The following ADGRL2 variants were observed in gnomAD, a reference collection of about 807,000 sequenced individuals.
The protein encoded by ADGRL2 is calcium-independent alpha-latrotoxin receptor 2.
A neutral mutation model predicts 157.4 loss-of-function variants in ADGRL2; 44 were observed. That is an observed-to-expected ratio of 0.28 (90% CI 0.22 to 0.36). The LOEUF is 0.36. ADGRL2 is among the 10% of genes least tolerant of loss of function. The pLI, the probability that ADGRL2 is intolerant of heterozygous loss-of-function variation, is 1.00. For missense variants in ADGRL2, 1,510 were observed against 1,768.9 expected, an observed-to-expected ratio of 0.85 and a Z score of 2.63; for synonymous variants, 585 against 624.7, an observed-to-expected ratio of 0.94 and a Z score of 0.95.
chr1:81,912,708 T>C (rs1452985486), intron 3 of ADGRL2, among the ~76,000 whole-genome samples: 1 of 152,208 alleles, frequency 6.6e-6, no homozygotes, highest in Non-Finnish European at 1.5e-5. Context: ...ATTAATGTTT[T>C]AGAAGCCAGT....
chr1:81,645,148 G>A (rs916601283), intron 3 of ADGRL2, among the ~76,000 whole-genome samples: 6 of 152,034 alleles, frequency 3.9e-5, no homozygotes, highest in African/African-American at 1.5e-4. Flanking sequence ...CCAGCACTTT[G>A]AGAGGCCAAG....
At chr1:81,715,487 G>A (rs1340016836) in intron 1 of ADGRL2, among the ~76,000 whole-genome samples, 1 of 152,076 alleles carries the variant, frequency 6.6e-6, no homozygotes, top group Non-Finnish European at 1.5e-5. Flanking sequence ...TGTGCTTAAA[G>A]TTGCCTTTCA....
At chr1:81,507,358 A>AT (rs1469256009) in intron 2 of ADGRL2, among the ~76,000 whole-genome samples, 1 of 152,144 alleles carries the variant, frequency 6.6e-6, no homozygotes, top group Non-Finnish European at 1.5e-5. Flanking sequence ...TAAGAGATTG[A>AT]TTTTACCAGT....
At chr1:81,722,030 C>A in intron 1 of ADGRL2, 1 of 431,452 alleles carries the variant, frequency 2.3e-6, no homozygotes, top group Middle Eastern at 7.5e-4. Context: ...CGGTGACTCA[C>A]GCCTGTTATC....
rs144043060 is a variant in ADGRL2, at chr1:81,943,282, A to C, written c.723A>C (p.Arg241Ser). 19 of 1,613,622 alleles carry C rather than the reference A, an allele frequency of 1.2e-5. No homozygotes were observed. In the African/African-American group the frequency reaches 2.5e-4, roughly 22 times the overall value. Residue 241 changes from arginine to serine, a missense_variant, in exon 6 of 24, where the codon AGA becomes AGC. Coordinates refer to ENST00000686636, the MANE Select transcript of ADGRL2 (RefSeq NM_001366006.2). The surrounding 1 kb of genome is among the most constrained non-coding windows in gnomAD (Gnocchi z 5.6). ...RNIVKFDLRT[R>S]IKSGEAIINY... ...TTGTGAAATTTGACTTGAGGACTAG[A>C]ATTAAGAGTGGCGAGGCCATAATTA...
At chr1:81,418,246 C>T (rs1348278581) in intron 1 of ADGRL2, among the ~76,000 whole-genome samples, 2 of 152,128 alleles carry the variant, frequency 1.3e-5, no homozygotes, top group Non-Finnish European at 2.9e-5. Context: ...AAAAAAATCG[C>T]AACACTATTT....
chr1:81,850,397 G>C (rs2092959924), intron 2 of ADGRL2, among the ~76,000 whole-genome samples: 1 of 151,700 alleles, frequency 6.6e-6, no homozygotes, highest in South Asian at 2.1e-4. Context: ...TTTCACACTT[G>C]ATATTTTCAT....
At chr1:81,596,680 C>CT (rs112481314) in intron 3 of ADGRL2, among the ~76,000 whole-genome samples, 3,898 of 146,484 alleles carry the variant, frequency 0.027, 143 homozygotes, top group African/African-American at 0.089. Context: ...CTAGATTTTA[C>CT]TTTTTTTTTT....
At chr1:81,543,736 C>T (rs569696634) in intron 2 of ADGRL2, among the ~76,000 whole-genome samples, 27 of 152,214 alleles carry the variant, frequency 1.8e-4, no homozygotes, top group African/African-American at 6.3e-4. Flanking sequence ...GCAAAGAACC[C>T]TACGATAGTT....
intron 2 of ADGRL2, among the ~76,000 whole-genome samples, chr1:81,779,072 G>A (rs564210178): frequency 6.6e-6 from 1 of 152,104 alleles, no homozygotes; most frequent in East Asian, 1.9e-4. Flanking sequence ...AATGTCCAAT[G>A]GTCTTGACTT....
At chr1:81,371,810 A>G (rs1023203879) in intron 1 of ADGRL2, among the ~76,000 whole-genome samples, 1 of 152,232 alleles carries the variant, frequency 6.6e-6, no homozygotes, top group Admixed American at 6.5e-5. Flanking sequence ...TCATTATTCA[A>G]TAAATTCCTA....
intron 3 of ADGRL2, among the ~76,000 whole-genome samples, 163 bp downstream of exon 3, chr1:81,907,393 C>T (rs2094605246): frequency 6.6e-6 from 1 of 152,114 alleles, no homozygotes; most frequent in Non-Finnish European, 1.5e-5. Flanking sequence ...TTTATATTTT[C>T]ATCAACATTC....
intron 2 of ADGRL2, among the ~76,000 whole-genome samples, chr1:81,551,537 A>G (rs2080146621): frequency 2.0e-5 from 3 of 152,234 alleles, no homozygotes. Flanking sequence ...TTACATTGAC[A>G]TATTTCCTCA....
chr1:81,668,414 CA>C (rs67441939), intron 3 of ADGRL2, among the ~76,000 whole-genome samples: 49,390 of 125,934 alleles, frequency 0.39, 8,553 homozygotes, highest in African/African-American at 0.52. Context: ...GTAACACTGT[CA>C]AAAAAAAAAA....
intron 2 of ADGRL2, among the ~76,000 whole-genome samples, chr1:81,770,245 C>A (rs1216247137): frequency 6.7e-6 from 1 of 148,336 alleles, no homozygotes; most frequent in Non-Finnish European, 1.5e-5. Context: ...TCACTGCAAC[C>A]TCTGCCTCCC....
intron 4 of ADGRL2, among the ~76,000 whole-genome samples, chr1:81,941,681 G>C (rs1483021967): frequency 2.0e-5 from 3 of 151,916 alleles, no homozygotes; most frequent in East Asian, 3.9e-4. Context: ...GTAAAACTTG[G>C]TAAGAATGCT....
At chr1:81,804,468 G>C (rs1005518280) in intron 1 of ADGRL2, among the ~76,000 whole-genome samples, 1 of 152,196 alleles carries the variant, frequency 6.6e-6, no homozygotes, top group Non-Finnish European at 1.5e-5. Context: ...GAAAACTTCA[G>C]CCTGTCTTCC....
At chr1:81,389,976 T>C (rs1254687256) in intron 1 of ADGRL2, among the ~76,000 whole-genome samples, 1 of 152,146 alleles carries the variant, frequency 6.6e-6, no homozygotes, top group Non-Finnish European at 1.5e-5. Context: ...TGAATAAATC[T>C]CCTAACCAAA....
intron 2 of ADGRL2, among the ~76,000 whole-genome samples, chr1:81,881,253 G>A (rs1192446317): frequency 1.3e-5 from 2 of 152,162 alleles, no homozygotes; most frequent in African/African-American, 4.8e-5. Flanking sequence ...TTGGCTCACT[G>A]CAAGCTCCAC....
Sources: gnomAD v4.1 joint callset for allele counts (sites outside exome capture counted in the v4.1 genomes callset) on GRCh38, gnomAD v4.1.1 for gene constraint, Gnocchi (gnomAD v3.1) non-coding constraint, MANE v1.5 for transcripts, NCBI Gene and HGNC (gene_info 2026-07-23, HGNC 2026-07-21) for gene names.